ERI1: variants seen among roughly 807,000 people sequenced by gnomAD.
The protein encoded by ERI1 is 3'-5' exoribonuclease 1.
In ERI1, 39 loss-of-function variants were observed where a neutral mutation model predicts 39.7. The ratio of observed to expected loss-of-function variants is 0.98; its 90% CI spans 0.76 to 1.28. The LOEUF (loss-of-function observed/expected upper bound fraction) is 1.28, where lower values mean the gene tolerates loss of function less well. Among genes scored for constraint, ERI1 ranks in the 50% most tolerant of loss-of-function variants. ERI1 has a pLI of 0.00. For missense variants in ERI1, 581 were observed against 416.9 expected (o/e 1.39, Z -3.43); for synonymous variants, 204 against 149.6 (o/e 1.36, Z -2.65).
chr8:9,043,417 C>A (rs1798084471), intron 3 of ERI1, among the ~76,000 whole-genome samples: 1 of 152,184 alleles, frequency 6.6e-6, no homozygotes, highest in African/African-American at 2.4e-5. Context: ...ATTCTTCACC[C>A]AAGCATGTAG....
At chr8:9,058,235 AG>A (rs1362794787) in intron 3 of ERI1, among the ~76,000 whole-genome samples, 1 of 152,222 alleles carries the variant, frequency 6.6e-6, no homozygotes, top group Non-Finnish European at 1.5e-5. Context: ...GGAATCCGGC[AG>A]AGCTGATGGG....
intron 3 of ERI1, among the ~76,000 whole-genome samples, chr8:9,042,758 T>C (rs1215524420): frequency 6.6e-6 from 1 of 152,230 alleles, no homozygotes; most frequent in Non-Finnish European, 1.5e-5. Flanking sequence ...TTGAGTGTTG[T>C]CATGATTTCG....
chr8:9,004,367 A>G (rs1254312946), intron 1 of ERI1: 2 of 915,122 alleles, frequency 2.2e-6, no homozygotes, highest in African/African-American at 3.6e-5. Context: ...ATGCTTCTTT[A>G]TATTTGAAAG....
intron 4 of ERI1, 143 bp downstream of exon 4, chr8:9,016,548 T>TAAA: frequency 4.7e-5 from 16 of 339,816 alleles, no homozygotes; most frequent in African/African-American, 1.3e-4. Context: ...TTGTAATAAT[T>TAAA]AAAAAAAAAA....
intron 1 of ERI1, chr8:9,003,960 C>A: frequency 1.6e-6 from 1 of 606,434 alleles, no homozygotes; most frequent in Non-Finnish European, 2.7e-6. Context: ...TTTTCAATAA[C>A]ATGAATTTGG....
chr8:9,083,223 A>T (rs1480893820), intron 3 of ERI1, among the ~76,000 whole-genome samples: 1 of 152,130 alleles, frequency 6.6e-6, no homozygotes, highest in African/African-American at 2.4e-5. Context: ...ATAATCCCTT[A>T]TCTTGATCTA....
downstream of ERI1, among the ~76,000 whole-genome samples, chr8:9,036,064 T>A (rs1301886020): frequency 6.6e-6 from 1 of 152,208 alleles, no homozygotes; most frequent in African/African-American, 2.4e-5. Flanking sequence ...AATTACTTCT[T>A]ACAGATAAGC....
intron 2 of ERI1, 113 bp downstream of exon 2, chr8:9,008,261 C>A: frequency 1.1e-6 from 1 of 929,598 alleles, no homozygotes; most frequent in Non-Finnish European, 1.5e-6. Context: ...TGACATGATC[C>A]TATTAACAGT....
Position 9,006,853 on chromosome 8 carries a change from T to C in ERI1, c.109-1117T>C, listed in dbSNP as rs367664873. The stretch of plus-strand genomic sequence containing the variant: ...TCCAGTAAATGTGTGTTGCATTAAA[T>C]TGAGAGCTTAGAGTAAGAAATGGTT... On this transcript the variant is annotated intron_variant, in intron 1 of 6. Transcript: ENST00000250263. 2.1e-4 allele frequency among the ~76,000 whole-genome samples: 32 copies of C among 152,266 alleles called. No individual in the cohort carries two copies. The South Asian group carries it at 6.6e-3, about 32-fold the overall frequency.
intron 1 of ERI1, 142 bp downstream of exon 1, chr8:9,003,313 C>G (rs1030686034): frequency 2.0e-5 from 9 of 458,808 alleles, no homozygotes; most frequent in Non-Finnish European, 2.5e-5. Context: ...GTGCCCAGCT[C>G]CCTGGCTTTA....
intron 3 of ERI1, among the ~76,000 whole-genome samples, chr8:9,066,780 G>C (rs528178243): frequency 6.6e-6 from 1 of 152,240 alleles, no homozygotes; most frequent in Non-Finnish European, 1.5e-5. Flanking sequence ...AGGCGGGTGA[G>C]TTGAGAGGGA....
intron 6 of ERI1, among the ~76,000 whole-genome samples, chr8:9,028,915 C>T (rs2117295728): frequency 1.3e-5 from 2 of 151,786 alleles, no homozygotes; most frequent in South Asian, 4.2e-4. Flanking sequence ...TGAGCTACCA[C>T]ACCCAGCCAA....
rs17155101 is a variant in ERI1 at position 9,009,962 on chromosome 8, G to A, written c.288-1580G>A. On this transcript the variant is annotated intron_variant, in intron 2 of 6. Transcript: ENST00000250263. ...TATGCTGAAGTCTGCATTTTACCTC[G>A]TAAGCAGAAGGGAGCCACTGAAGAT... Among the ~76,000 whole-genome samples the A allele has an allele frequency of 2.2e-3, 340 of 152,296 alleles. 5 individuals are homozygous for A. In the East Asian group the frequency reaches 0.041, roughly 19 times the overall value.
At chr8:9,009,399 AGG>A (rs1172565997) in intron 2 of ERI1, among the ~76,000 whole-genome samples, 3 of 152,046 alleles carry the variant, frequency 2.0e-5, no homozygotes, top group Non-Finnish European at 4.4e-5. Context: ...CAGAAAAGGG[AGG>A]GGGAGGGTAT....
In ERI1 at chr8:9,004,012, G is replaced by T. The variant is rs1386295257; in HGVS notation, c.108+841G>T. 5 of 1,134,350 alleles carry T rather than the reference G, an allele frequency of 4.4e-6. No homozygotes were observed. In the African/African-American group the frequency reaches 8.0e-5, roughly 18 times the overall value. The allele number at this position is 1,134,350 out of a possible 1,614,324, so 70.3% of individuals were successfully genotyped here. On this transcript the variant is annotated intron_variant, in intron 1 of 6. Coordinates refer to ENST00000250263, the MANE Select transcript of ERI1 (RefSeq NM_153332.4). ...GTCACTTCCATTTGCTGCTCTGCGG[G>T]GTCGGGTGCCTGCCTCCCTTGGTAA...
intron 6 of ERI1, among the ~76,000 whole-genome samples, chr8:9,024,110 T>A (rs188505073): frequency 6.6e-6 from 1 of 152,252 alleles, no homozygotes; most frequent in East Asian, 1.9e-4. Flanking sequence ...AAAAATGACC[T>A]TCTATCCAGT....
At position 9,058,439 on chromosome 8, in the gene ERI1, G is replaced by A. The variant is rs6990134; in HGVS notation, n.299+37975G>A. 4.4e-4 allele frequency among the ~76,000 whole-genome samples: 67 copies of A among 152,210 alleles called. 1 individual carries two copies. The highest frequency in any genetic ancestry group is 2.7e-3 in the Admixed American group (41 of 15,306). On this transcript the variant is annotated intron_variant and non_coding_transcript_variant, in intron 3 of 3. Transcript: ENST00000518663. ...AAGGGCATGATAACTAATCCCTGCCGTGAGAATTCAGAAGGGGCAATGGTT... is the reference window on the plus strand; with the variant it reads ...AAGGGCATGATAACTAATCCCTGCCATGAGAATTCAGAAGGGGCAATGGTT...
At position 9,011,683 on chromosome 8, in the gene ERI1, C is replaced by A; in HGVS notation, c.429C>A (p.Asn143Lys). Residue 143 changes from asparagine to lysine, a missense_variant, in exon 3 of 7, where the codon AAC (asparagine) becomes AAA (lysine). Transcript: ENST00000250263. ...IDFEATCEEG[N>K]PPEFVHEIIE... ...TTGAAGCCACTTGTGAAGAAGGAAA[C>A]CCACCTGAGTTTGTACATGAAATAA... 1 of 1,613,554 alleles carries A rather than the reference C, an allele frequency of 6.2e-7. No individual in the cohort carries two copies. Among genetic ancestry groups the A allele is most frequent in the Non-Finnish European group, 8.5e-7 (1 of 1,179,614 alleles).
intron 6 of ERI1, among the ~76,000 whole-genome samples, chr8:9,025,329 A>T (rs926071144): frequency 6.6e-6 from 1 of 152,198 alleles, no homozygotes; most frequent in Admixed American, 6.5e-5. Flanking sequence ...ATTTCCAAAG[A>T]CATACTCCGT....
Sources: allele counts gnomAD v4.1 joint callset (sites outside exome capture counted in the v4.1 genomes callset), GRCh38; gene constraint gnomAD v4.1.1; transcripts MANE v1.5; gene names NCBI Gene and HGNC (gene_info 2026-07-23, HGNC 2026-07-21).